MRPL1: variants seen among roughly 807,000 people sequenced by gnomAD.
MRPL1 encodes mitochondrial ribosomal protein L1.
A neutral mutation model predicts 38.0 loss-of-function variants in MRPL1; 28 were observed. That is an observed-to-expected ratio of 0.74 (90% CI 0.55 to 1.01). The LOEUF (loss-of-function observed/expected upper bound fraction) is 1.01, where lower values mean the gene tolerates loss of function less well. MRPL1 is among the 50% of genes least tolerant of loss of function. The pLI, the probability that MRPL1 is intolerant of heterozygous loss-of-function variation, is 0.00. For missense variants in MRPL1, 358 were observed against 389.8 expected (o/e 0.92, Z 0.69); for synonymous variants, 123 against 126.7 (o/e 0.97, Z 0.20).
At chr4:77,944,195 T>C (rs1346318631) in intron 7 of MRPL1, among the ~76,000 whole-genome samples, 1 of 152,208 alleles carries the variant, frequency 6.6e-6, no homozygotes, top group Admixed American at 6.5e-5. Context: ...GGCTCCAGGC[T>C]GGTACTGGGG....
Position 77,902,159 on chromosome 4 carries a change from T to C in MRPL1, c.671-7107T>C, listed in dbSNP as rs550674125. On this transcript the variant is annotated intron_variant, in intron 6 of 8. Transcript: ENST00000315567. ...ACTGAATGATACTGAAAACTCAACA[T>C]GTCAGAACTTGTGGGATGCAGCTGA... Among the ~76,000 whole-genome samples, 30 of 152,286 alleles carry C rather than the reference T, an allele frequency of 2.0e-4. 1 individual carries two copies. In the South Asian group the frequency reaches 5.4e-3, roughly 27 times the overall value.
chr4:77,902,568 G>A (rs900971969), intron 6 of MRPL1, among the ~76,000 whole-genome samples: 5 of 151,344 alleles, frequency 3.3e-5, no homozygotes, highest in Admixed American at 6.6e-5. Flanking sequence ...CAATAGCAAT[G>A]AAAGCAAAAC....
At chr4:77,944,550 G>C (rs1186631005) in intron 7 of MRPL1, among the ~76,000 whole-genome samples, 4 of 152,248 alleles carry the variant, frequency 2.6e-5, no homozygotes, top group Admixed American at 2.6e-4. Context: ...TTAGTGTCTA[G>C]ATTGTAATCT....
intron 7 of MRPL1, among the ~76,000 whole-genome samples, chr4:77,911,547 C>A (rs1260443590): frequency 6.6e-6 from 1 of 151,936 alleles, no homozygotes; most frequent in African/African-American, 2.4e-5. Flanking sequence ...TTGATTCAAA[C>A]CCTTGTTCCA....
intron 7 of MRPL1, among the ~76,000 whole-genome samples, chr4:77,941,540 A>C (rs1408895886): frequency 6.6e-6 from 1 of 152,016 alleles, no homozygotes; most frequent in Admixed American, 6.6e-5. Context: ...GTTTTTAACC[A>C]TTTCAACCTC....
At chr4:77,870,433 AATCTT>A (rs528134052) in intron 1 of MRPL1, among the ~76,000 whole-genome samples, 165 of 152,324 alleles carry the variant, frequency 1.1e-3, no homozygotes, top group African/African-American at 3.6e-3. Flanking sequence ...TCAGCAATAA[AATCTT>A]TATAAACTGA....
intron 7 of MRPL1, among the ~76,000 whole-genome samples, chr4:77,948,576 T>C (rs2110269212): frequency 6.6e-6 from 1 of 152,186 alleles, no homozygotes; most frequent in South Asian, 2.1e-4. Flanking sequence ...CCCAAGTGGG[T>C]GTTGAATAAA....
intron 7 of MRPL1, among the ~76,000 whole-genome samples, chr4:77,917,667 G>T (rs1029750135): frequency 2.6e-5 from 4 of 152,146 alleles, no homozygotes; most frequent in African/African-American, 9.7e-5. Context: ...GATACAAAAA[G>T]ATTATGACCT....
chr4:77,889,946 T>C (rs1735770606), intron 5 of MRPL1, among the ~76,000 whole-genome samples: 1 of 152,178 alleles, frequency 6.6e-6, no homozygotes, highest in South Asian at 2.1e-4. Flanking sequence ...GTTGAATCCC[T>C]GAATAGACCA....
intron 7 of MRPL1, among the ~76,000 whole-genome samples, chr4:77,937,023 G>A (rs1010334157): frequency 1.3e-5 from 2 of 152,048 alleles, no homozygotes; most frequent in African/African-American, 4.8e-5. Flanking sequence ...TACTTGAGAG[G>A]CTGAGATAGG....
chr4:77,877,704 C>G (rs563738846), intron 2 of MRPL1, among the ~76,000 whole-genome samples: 2 of 151,536 alleles, frequency 1.3e-5, no homozygotes, highest in African/African-American at 4.8e-5. Flanking sequence ...TTCATGGCAC[C>G]ACTTATCTGT....
At chr4:77,903,048 C>T (rs375128457) in intron 6 of MRPL1, among the ~76,000 whole-genome samples, 4 of 152,132 alleles carry the variant, frequency 2.6e-5, no homozygotes, top group Admixed American at 2.6e-4. Flanking sequence ...AAGGACATTA[C>T]GAGAAAACTA....
chr4:77,870,949 C>T (rs570327715), intron 1 of MRPL1, among the ~76,000 whole-genome samples: 1 of 152,194 alleles, frequency 6.6e-6, no homozygotes, highest in South Asian at 2.1e-4. Flanking sequence ...TTCTTATCTT[C>T]AGAAGTACTT....
At chr4:77,951,879 C>T (rs532551167) in intron 8 of MRPL1, among the ~76,000 whole-genome samples, 2 of 152,262 alleles carry the variant, frequency 1.3e-5, no homozygotes, top group African/African-American at 4.8e-5. Flanking sequence ...TATGCTCTGA[C>T]CTGCCAGGAT....
intron 7 of MRPL1, among the ~76,000 whole-genome samples, chr4:77,931,366 A>G (rs1277473533): frequency 6.6e-6 from 1 of 152,208 alleles, no homozygotes; most frequent in Non-Finnish European, 1.5e-5. Flanking sequence ...ATTTGTTGTG[A>G]ACTTTTAGGA....
At position 77,881,110 on chromosome 4, in the gene MRPL1, A is replaced by T. The variant is rs575678964; in HGVS notation, c.144-2132A>T. On this transcript the variant is annotated intron_variant, in intron 2 of 8. Coordinates refer to ENST00000315567, the MANE Select transcript of MRPL1 (RefSeq NM_020236.4). Reference sequence around the variant, plus strand: ...GCAGGGAAACTGTCATCTTTGCTTTATTCTGTCAGCCAAAAGTAGTCACAT... The same window carrying T: ...GCAGGGAAACTGTCATCTTTGCTTTTTTCTGTCAGCCAAAAGTAGTCACAT... Among the ~76,000 whole-genome samples, 5 of 152,334 alleles carry T rather than the reference A, an allele frequency of 3.3e-5. No homozygotes were observed. In the South Asian group the frequency reaches 1.0e-3, roughly 32 times the overall value.
rs974698129 is a variant in MRPL1 at position 77,873,173 on chromosome 4, A to G, written c.143+1318A>G. ...ATTTATAGAATGCTTCCTTTGTGCT[A>G]GGCAGTATACAAAGCACATAGCATA... is the stretch of plus-strand genomic sequence containing the variant. On this transcript the variant is annotated intron_variant, in intron 2 of 8. Coordinates refer to ENST00000315567, the MANE Select transcript of MRPL1 (RefSeq NM_020236.4). 2.6e-5 allele frequency among the ~76,000 whole-genome samples: 4 copies of G among 152,242 alleles called. No homozygotes were observed. In the East Asian group the frequency reaches 7.7e-4, roughly 29 times the overall value.
At chr4:77,942,683 A>G (rs921137428) in intron 7 of MRPL1, among the ~76,000 whole-genome samples, 12 of 152,180 alleles carry the variant, frequency 7.9e-5, no homozygotes, top group African/African-American at 2.7e-4. Context: ...CTGATATAAG[A>G]ATAGCTACTC....
At chr4:77,905,531 A>C (rs1366187598) in intron 6 of MRPL1, among the ~76,000 whole-genome samples, 1 of 149,248 alleles carries the variant, frequency 6.7e-6, no homozygotes, top group African/African-American at 2.5e-5. Flanking sequence ...GAATATATGT[A>C]ATTGGTCATT....
Sources: gnomAD v4.1 joint callset for allele counts (sites outside exome capture counted in the v4.1 genomes callset) on GRCh38, gnomAD v4.1.1 for gene constraint, MANE v1.5 for transcripts, NCBI Gene and HGNC (gene_info 2026-07-23, HGNC 2026-07-21) for gene names.